Variants in TOX2 observed in about 807,000 individuals in gnomAD.
TOX2 encodes the protein granulosa cell HMG box 1.
Under a neutral mutation model 47.4 loss-of-function variants are expected in TOX2, and 15 were observed. The observed-to-expected ratio is 0.32, with a 90% CI of 0.21 to 0.49. The LOEUF (loss-of-function observed/expected upper bound fraction) is 0.49, where lower values mean the gene tolerates loss of function less well. TOX2 is among the 20% of genes least tolerant of loss of function. The pLI, the probability that TOX2 is intolerant of heterozygous loss-of-function variation, is 0.99. For synonymous variants in TOX2, 290 were observed against 296.6 expected, an observed-to-expected ratio of 0.98 and a Z score of 0.23; for missense variants, 622 against 673.1, an observed-to-expected ratio of 0.92 and a Z score of 0.84.
intron 4 of TOX2, among the ~76,000 whole-genome samples, chr20:44,053,441 C>T (rs7263730): frequency 0.17 from 5,491 of 32,652 alleles, 269 homozygotes; most frequent in African/African-American, 0.29. Context: ...CAGATATATA[C>T]ACACACACAC....
chr20:43,955,091 C>G (rs900987907), intron 1 of TOX2: 1 of 289,632 alleles, frequency 3.5e-6, no homozygotes, highest in Non-Finnish European at 5.2e-6. Flanking sequence ...TTACTCACCC[C>G]ACTTGTGTGA....
intron 1 of TOX2, among the ~76,000 whole-genome samples, chr20:43,938,224 G>A (rs962720294): frequency 3.3e-5 from 5 of 152,158 alleles, no homozygotes; most frequent in Non-Finnish European, 5.9e-5. Context: ...TATGTCATGT[G>A]GACTGGCAGC....
chr20:44,039,893 C>T (rs1040545), intron 3 of TOX2, among the ~76,000 whole-genome samples: 95,738 of 152,048 alleles, frequency 0.63, 31,206 homozygotes, highest in East Asian at 0.79. Flanking sequence ...GGCAGGGTGC[C>T]GAGGGAAGCT....
At chr20:44,052,225 C>A (rs2071525868) in intron 4 of TOX2, among the ~76,000 whole-genome samples, 1 of 152,162 alleles carries the variant, frequency 6.6e-6, no homozygotes, top group Non-Finnish European at 1.5e-5. Flanking sequence ...AGTGGTTTGA[C>A]CTCCTCAAGA....
intron 4 of TOX2, among the ~76,000 whole-genome samples, chr20:44,053,520 CACATATATATACATATATACT>C (rs1569139144): frequency 7.2e-5 from 10 of 138,544 alleles, no homozygotes; most frequent in Non-Finnish European, 1.5e-4. Context: ...ACTATATATA[CACATATATATACATATATACT>C]ATATATATAC....
intron 3 of TOX2, among the ~76,000 whole-genome samples, chr20:44,024,443 A>G (rs1041713853): frequency 6.6e-6 from 1 of 151,916 alleles, no homozygotes; most frequent in Non-Finnish European, 1.5e-5. Context: ...GTAGATGTTT[A>G]CATTTTTTAT....
intron 3 of TOX2, among the ~76,000 whole-genome samples, chr20:44,046,904 C>T (rs1437658026): frequency 2.0e-5 from 3 of 152,076 alleles, no homozygotes; most frequent in Non-Finnish European, 4.4e-5. Flanking sequence ...ACCCCTGAAC[C>T]TAAAAGTTTT....
chr20:44,038,115 G>T (rs970171905), intron 3 of TOX2, among the ~76,000 whole-genome samples: 6 of 152,222 alleles, frequency 3.9e-5, no homozygotes, highest in African/African-American at 1.4e-4. Context: ...AACGAGAAGT[G>T]CTGGGTGCCG....
At chr20:43,998,886 A>G (rs2070528449) in intron 2 of TOX2, among the ~76,000 whole-genome samples, 1 of 152,092 alleles carries the variant, frequency 6.6e-6, no homozygotes, top group African/African-American at 2.4e-5. Flanking sequence ...CAGCCTCCTG[A>G]GTAGCTGGGA....
At chr20:43,972,521 C>A (rs2145472873) in intron 1 of TOX2, among the ~76,000 whole-genome samples, 1 of 152,296 alleles carries the variant, frequency 6.6e-6, no homozygotes, top group South Asian at 2.1e-4. Flanking sequence ...GGGAAGGGAA[C>A]TAACTGGAAT....
chr20:44,032,887 C>T lies in TOX2; in HGVS notation c.412-18419C>T, dbSNP rs557884316. On this transcript the variant is annotated intron_variant, in intron 3 of 8. Transcript: ENST00000341197. Reference sequence around the variant, plus strand: ...TCTGCCGGCGGCTTCATATTCATAACACGATGATCAGTATCACCAGGAATG... The same window carrying T: ...TCTGCCGGCGGCTTCATATTCATAATACGATGATCAGTATCACCAGGAATG... Among the ~76,000 whole-genome samples the T allele has an allele frequency of 1.6e-4, 25 of 152,360 alleles. No individual in the cohort carries two copies. In the South Asian group the frequency reaches 4.3e-3, roughly 27 times the overall value.
chr20:44,031,683 A>G (rs886469280), intron 3 of TOX2, among the ~76,000 whole-genome samples: 8 of 152,202 alleles, frequency 5.3e-5, no homozygotes, highest in African/African-American at 1.4e-4. Flanking sequence ...TAAGCTGCCC[A>G]TTAAGAGACT....
At chr20:43,945,747 T>G in intron 1 of TOX2, 9 of 999,144 alleles carry the variant, frequency 9.0e-6, no homozygotes, top group East Asian at 2.8e-5. Context: ...GAATAGGAGA[T>G]GGATTTTGAT....
At position 43,973,425 on chromosome 20, in the gene TOX2, C is replaced by T. The variant is rs866736898; in HGVS notation, c.158C>T (p.Thr53Ile). The part of the protein sequence containing the change: ...MSDGNPELLS[T>I]SQTYNGQSEN... ...GACGGAAACCCAGAGCTCCTGTCAA[C>T]CAGCCAGGTGGGTGCCTCATCCTCC... The change falls in exon 2 of 9, where the codon ACC becomes ATC. Residue 53 changes from threonine (T) to isoleucine (I), a missense_variant. Physicochemically the swap from Thr to Ile is moderately conservative, Grantham distance 89 (BLOSUM62 -1). Transcript: ENST00000341197. 3 of 1,614,114 alleles carry T rather than the reference C, an allele frequency of 1.9e-6. No homozygotes were observed. The highest frequency in any genetic ancestry group is 2.5e-6 in the Non-Finnish European group (3 of 1,179,994).
intron 3 of TOX2, among the ~76,000 whole-genome samples, chr20:44,047,228 G>A (rs1038332753): frequency 3.9e-5 from 6 of 152,110 alleles, no homozygotes; most frequent in Non-Finnish European, 7.3e-5. Context: ...GGACATCCCT[G>A]GCCACTACCC....
At chr20:44,062,365 GC>G (rs2145789571) in intron 5 of TOX2, among the ~76,000 whole-genome samples, 1 of 90,284 alleles carries the variant, frequency 1.1e-5, no homozygotes, top group African/African-American at 4.4e-5. Context: ...CCCTTTAACT[GC>G]AAAATAAATA....
chr20:44,029,785 G>A (rs139958851), intron 3 of TOX2, among the ~76,000 whole-genome samples: 1 of 152,196 alleles, frequency 6.6e-6, no homozygotes, highest in East Asian at 1.9e-4. Flanking sequence ...TCCAAAAGGG[G>A]GTCATTGACT....
At chr20:43,959,648 A>T (rs896307510) in intron 1 of TOX2, among the ~76,000 whole-genome samples, 3 of 152,192 alleles carry the variant, frequency 2.0e-5, no homozygotes, top group Admixed American at 1.3e-4. Flanking sequence ...GGGAGAAAAT[A>T]TCTTCCACAT....
chr20:44,059,812 A>G (rs901637046), intron 5 of TOX2, among the ~76,000 whole-genome samples: 1 of 152,252 alleles, frequency 6.6e-6, no homozygotes, highest in African/African-American at 2.4e-5. Flanking sequence ...TAAAGCATAA[A>G]TCTCACAGGA....
Sources: gnomAD v4.1 joint callset for allele counts (sites outside exome capture counted in the v4.1 genomes callset) on GRCh38, gnomAD v4.1.1 for gene constraint, MANE v1.5 for transcripts, NCBI Gene and HGNC (gene_info 2026-07-23, HGNC 2026-07-21) for gene names.